The following EHBP1 variants were observed in gnomAD, a reference collection of about 807,000 sequenced individuals.
The protein encoded by EHBP1 is EH domain-binding protein 1.
EHBP1 carries 55 observed loss-of-function variants against 144.0 expected under a neutral mutation model. The ratio of observed to expected loss-of-function variants is 0.38; its 90% confidence interval spans 0.31 to 0.48. The LOEUF is 0.48. EHBP1 is among the 20% of genes least tolerant of loss of function. The probability of loss-of-function intolerance (pLI) is 0.98; values close to 1 mark genes in which losing one functional copy is unlikely to be tolerated. For synonymous variants in EHBP1, 469 were observed against 472.7 expected, an observed-to-expected ratio of 0.99 and a Z score of 0.10; for missense variants, 1,200 against 1,364.2, an observed-to-expected ratio of 0.88 and a Z score of 1.90.
At position 63,045,776 on chromosome 2, in the gene EHBP1, A is replaced by G; in HGVS notation, c.*276A>G. 1 of 314,480 alleles carries G rather than the reference A, an allele frequency of 3.2e-6. No homozygotes were observed. Among genetic ancestry groups the G allele is most frequent in the East Asian group, 6.4e-5 (1 of 15,610 alleles). The allele number at this position is 314,480 out of a possible 1,614,324, so 19.5% of individuals were successfully genotyped here. A position where few individuals can be genotyped will look rare whatever the true frequency, so the allele number is the denominator to read the frequency against. On this transcript the variant is annotated 3_prime_UTR_variant, in exon 23 of 23. Coordinates refer to ENST00000431489, the MANE Select transcript of EHBP1 (RefSeq NM_001142616.3). This position sits in a 1 kb window ranked among gnomAD's most constrained non-coding sequence, Gnocchi z 5.7. Reference sequence around the variant, plus strand: ...CACAGACACCTTGTGAGTGATTGGTATTGGAGGTGTTCAAGAAACTGTTCG... The same window carrying G: ...CACAGACACCTTGTGAGTGATTGGTGTTGGAGGTGTTCAAGAAACTGTTCG...
intron 10 of EHBP1, among the ~76,000 whole-genome samples, chr2:62,889,742 G>T (rs2052285816): frequency 6.6e-6 from 1 of 151,754 alleles, no homozygotes; most frequent in Admixed American, 6.6e-5. Flanking sequence ...CTCTATTTTT[G>T]TTCCATTGGT....
chr2:62,768,037 A>G (rs1275114325), intron 4 of EHBP1, among the ~76,000 whole-genome samples: 2 of 152,132 alleles, frequency 1.3e-5, no homozygotes, highest in Non-Finnish European at 2.9e-5. Context: ...GTTAAGAGGG[A>G]AATTCAAAGC....
intron 10 of EHBP1, among the ~76,000 whole-genome samples, chr2:62,931,374 A>C (rs1365463156): frequency 6.6e-6 from 1 of 152,222 alleles, no homozygotes. Context: ...CCAAAGAAAA[A>C]TCAGAAAATA....
At chr2:62,785,208 T>C (rs2152429159) in intron 5 of EHBP1, among the ~76,000 whole-genome samples, 1 of 152,196 alleles carries the variant, frequency 6.6e-6, no homozygotes, top group East Asian at 1.9e-4. Flanking sequence ...TTAATTGACT[T>C]TGCAACCCAT....
chr2:62,971,306 A>AT (rs1449816561), intron 14 of EHBP1, among the ~76,000 whole-genome samples: 1 of 152,214 alleles, frequency 6.6e-6, no homozygotes, highest in Non-Finnish European at 1.5e-5. Context: ...GCTTAAATAC[A>AT]TTTATCACTT....
At chr2:62,679,523 C>G (rs1318730577) in intron 1 of EHBP1, among the ~76,000 whole-genome samples, 1 of 152,078 alleles carries the variant, frequency 6.6e-6, no homozygotes, top group East Asian at 1.9e-4. Context: ...TCTCCCTACC[C>G]CCATAATTGG....
chr2:62,889,638 A>G (rs2052274729), intron 10 of EHBP1, among the ~76,000 whole-genome samples: 1 of 152,064 alleles, frequency 6.6e-6, no homozygotes, highest in Non-Finnish European at 1.5e-5. Context: ...TCACAGCACC[A>G]TTTATTGAAT....
At chr2:62,818,948 G>A (rs2045660422) in intron 5 of EHBP1, among the ~76,000 whole-genome samples, 1 of 152,102 alleles carries the variant, frequency 6.6e-6, no homozygotes, top group African/African-American at 2.4e-5. Context: ...TTCCTGGGTG[G>A]GGAGAAAATA....
At chr2:62,830,037 A>G (rs1438649157) in intron 6 of EHBP1, among the ~76,000 whole-genome samples, 1 of 151,158 alleles carries the variant, frequency 6.6e-6, no homozygotes, top group East Asian at 1.9e-4. Flanking sequence ...AGACACTTGC[A>G]CATGCAATGT....
At chr2:62,851,568 C>T (rs1249994780) in intron 7 of EHBP1, among the ~76,000 whole-genome samples, 1 of 152,092 alleles carries the variant, frequency 6.6e-6, no homozygotes, top group African/African-American at 2.4e-5. Flanking sequence ...CTTTACTTGC[C>T]TATCTGTCCC....
intron 1 of EHBP1, among the ~76,000 whole-genome samples, chr2:62,676,930 T>G (rs1330870175): frequency 1.3e-5 from 2 of 152,104 alleles, no homozygotes; most frequent in Non-Finnish European, 2.9e-5. Context: ...TGCCAGCACT[T>G]TGGGAGGCCA....
At chr2:62,996,892 GC>G in intron 19 of EHBP1, 126 bp downstream of exon 19, 1 of 1,371,440 alleles carries the variant, frequency 7.3e-7, no homozygotes, top group Non-Finnish European at 9.9e-7. Flanking sequence ...AAATAAAAAG[GC>G]TGCGATTTGC....
intron 19 of EHBP1, among the ~76,000 whole-genome samples, chr2:63,027,660 A>AT (rs1294276653): frequency 3.3e-5 from 5 of 152,178 alleles, no homozygotes; most frequent in Non-Finnish European, 7.3e-5. Flanking sequence ...CCCTATAGAT[A>AT]TTTAGGAAGG....
intron 5 of EHBP1, among the ~76,000 whole-genome samples, chr2:62,783,956 T>C (rs986568476): frequency 2.0e-5 from 3 of 152,252 alleles, no homozygotes; most frequent in Non-Finnish European, 4.4e-5. Flanking sequence ...TCCTGAATGC[T>C]TTGCTGCTTA....
At chr2:62,993,828 G>C in intron 17 of EHBP1, 43 bp from the exon 18 acceptor site, 1 of 1,436,912 alleles carries the variant, frequency 7.0e-7, no homozygotes. Context: ...CAAATATCAA[G>C]CTTTACAATA....
chr2:62,955,567 G>A lies in EHBP1; in HGVS notation c.2367G>A (p.Leu789=). ...AACTTAAGGAAAGAGCAAGAGTTCT[G>A]CTTGAGCAAGCAAGAAGAGATGCAG... is the stretch of plus-strand genomic sequence containing the variant. The part of the protein sequence containing the change: ...QEELKERARV[L]LEQARRDAAL... The change falls in exon 14 of 23, where the codon CTG becomes CTA. Residue 789 remains leucine (L), a synonymous_variant. Transcript: ENST00000431489. 1 of 1,612,784 alleles carries A rather than the reference G, an allele frequency of 6.2e-7. No individual in the cohort carries two copies. The highest frequency in any genetic ancestry group is 8.5e-7 in the Non-Finnish European group (1 of 1,179,230).
chr2:62,911,496 C>CT (rs2054213527), intron 10 of EHBP1, among the ~76,000 whole-genome samples: 1 of 152,154 alleles, frequency 6.6e-6, no homozygotes, highest in African/African-American at 2.4e-5. Context: ...GAGTCTCACT[C>CT]TATCGCCCAG....
chr2:62,685,591 C>A (rs970970912), intron 1 of EHBP1, among the ~76,000 whole-genome samples: 1 of 152,128 alleles, frequency 6.6e-6, no homozygotes, highest in African/African-American at 2.4e-5. Flanking sequence ...TCTGCAACAA[C>A]CCTATTTTCA....
At chr2:62,804,731 C>T (rs1454902928) in intron 5 of EHBP1, among the ~76,000 whole-genome samples, 1 of 152,170 alleles carries the variant, frequency 6.6e-6, no homozygotes, top group Non-Finnish European at 1.5e-5. Context: ...TGGTCCGTGG[C>T]CTGTTAGGAA....
Sources: gnomAD v4.1 joint callset for allele counts (sites outside exome capture counted in the v4.1 genomes callset) on GRCh38, gnomAD v4.1.1 for gene constraint, Gnocchi (gnomAD v3.1) non-coding constraint, MANE v1.5 for transcripts, NCBI Gene and HGNC (gene_info 2026-07-23, HGNC 2026-07-21) for gene names.